The following BTD variants were observed in gnomAD, a reference collection of about 807,000 sequenced individuals.
BTD encodes biocytinase.
BTD carries 13 observed loss-of-function variants against 17.7 expected under a neutral mutation model. The ratio of observed to expected loss-of-function variants is 0.74; its 90% CI spans 0.48 to 1.17. The LOEUF (loss-of-function observed/expected upper bound fraction) is 1.17. BTD is among the 50% of genes most tolerant of loss of function. The pLI is 0.00. For missense variants in BTD, 674 were observed against 650.4 expected, an observed-to-expected ratio of 1.04 and a Z score of -0.39; for synonymous variants, 240 against 245.2, an observed-to-expected ratio of 0.98 and a Z score of 0.20.
chr3:15,660,213 G>C (rs1392037893), intron 3 of BTD, among the ~76,000 whole-genome samples: 1 of 152,220 alleles, frequency 6.6e-6, no homozygotes, highest in African/African-American at 2.4e-5. Context: ...GGCAGAGCCA[G>C]AATTCCTGCT....
At chr3:15,608,174 T>C (rs1397682022) in intron 1 of BTD, among the ~76,000 whole-genome samples, 1 of 152,254 alleles carries the variant, frequency 6.6e-6, no homozygotes, top group Non-Finnish European at 1.5e-5. Context: ...TGGCTTGGGC[T>C]GGCAAGCCCT....
upstream of BTD, chr3:15,601,663 C>T: frequency 6.4e-7 from 1 of 1,553,548 alleles, no homozygotes. Context: ...AATGTAAACA[C>T]GCGCGTTCTC....
downstream of BTD, among the ~76,000 whole-genome samples, chr3:15,717,728 G>C (rs182327493): frequency 3.9e-5 from 6 of 152,074 alleles, no homozygotes; most frequent in African/African-American, 1.4e-4. Flanking sequence ...GTGGGAAAAC[G>C]TGTGCATATA....
intron 3 of BTD, among the ~76,000 whole-genome samples, chr3:15,675,464 G>C (rs2066839231): frequency 6.6e-6 from 1 of 152,130 alleles, no homozygotes. Context: ...AATACAGGAA[G>C]AGAGCGAAAA....
chr3:15,602,397 G>A (rs1559571969), intron 1 of BTD: 2 of 873,482 alleles, frequency 2.3e-6, no homozygotes, highest in Non-Finnish European at 2.8e-6. Flanking sequence ...GAACTATGGC[G>A]TTTCATAATT....
rs1405012928 is a variant in BTD at position 15,680,909 on chromosome 3, T to G, written c.400-29151T>G. Among the ~76,000 whole-genome samples, 3 of 152,238 alleles carry G rather than the reference T, an allele frequency of 2.0e-5. No homozygotes were observed. The East Asian group carries it at 5.8e-4, about 29-fold the overall frequency. ...CTTGAATCCCAGAGCTCAAGTGATC[T>G]GCCTGCCTCAGCCTCCTAAAATGCT... is the stretch of plus-strand genomic sequence containing the variant. On this transcript the variant is annotated intron_variant, in intron 3 of 3. Coordinates refer to the BTD transcript ENST00000672141.
At chr3:15,678,109 G>T in intron 3 of BTD, 1 of 1,183,276 alleles carries the variant, frequency 8.5e-7, no homozygotes, top group Non-Finnish European at 1.2e-6. Context: ...AGTCTTAGGA[G>T]TGGTAAGATA....
At chr3:15,631,186 G>A (rs893908337) in intron 1 of BTD, among the ~76,000 whole-genome samples, 3 of 152,122 alleles carry the variant, frequency 2.0e-5, no homozygotes, top group African/African-American at 7.2e-5. Flanking sequence ...ATACTATGCC[G>A]GTTCCTAATG....
chr3:15,613,039 C>T (rs776138128), intron 1 of BTD, among the ~76,000 whole-genome samples: 49 of 152,230 alleles, frequency 3.2e-4, no homozygotes, highest in South Asian at 2.3e-3. Context: ...TTTTTAAAGA[C>T]CTGATTAATT....
downstream of BTD, chr3:15,713,631 G>A (rs756297192): frequency 1.5e-4 from 248 of 1,603,126 alleles, no homozygotes; most frequent in Non-Finnish European, 4.9e-5. Flanking sequence ...CCTCACAGTC[G>A]ATTACAGCTC....
intron 3 of BTD, among the ~76,000 whole-genome samples, chr3:15,675,033 GC>G (rs2066789829): frequency 6.6e-6 from 1 of 152,278 alleles, no homozygotes; most frequent in East Asian, 1.9e-4. Flanking sequence ...AATTTGGGAG[GC>G]CAAGGCAGGC....
chr3:15,660,408 C>T (rs1030353360), intron 3 of BTD, among the ~76,000 whole-genome samples: 6 of 152,240 alleles, frequency 3.9e-5, no homozygotes, highest in African/African-American at 7.2e-5. Flanking sequence ...ACTTCTGATT[C>T]GACTCCAGAC....
chr3:15,684,785 C>T (rs1246104198), intron 3 of BTD: 1 of 165,980 alleles, frequency 6.0e-6, no homozygotes, highest in Non-Finnish European at 1.3e-5. Context: ...TGGAAACATT[C>T]TAAAAACCTC....
At chr3:15,721,863 G>A (rs2073769284) in exon 5 of BTD, among the ~76,000 whole-genome samples, 2 of 152,034 alleles carry the variant, frequency 1.3e-5, no homozygotes, top group Non-Finnish European at 2.9e-5. Flanking sequence ...TCCTGCCTCA[G>A]CCTCCTGAGT....
intron 3 of BTD, among the ~76,000 whole-genome samples, chr3:15,671,592 T>G (rs1354068067): frequency 3.3e-5 from 5 of 150,840 alleles, no homozygotes; most frequent in African/African-American, 7.4e-5. Context: ...TTTTTTTGTT[T>G]TTTTTTTTTT....
intron 1 of BTD, among the ~76,000 whole-genome samples, chr3:15,605,673 T>C (rs1301171731): frequency 1.3e-5 from 2 of 152,204 alleles, no homozygotes; most frequent in African/African-American, 4.8e-5. Context: ...TATATATATA[T>C]ATCTATGAAA....
intron 1 of BTD, among the ~76,000 whole-genome samples, chr3:15,617,580 A>G (rs193115845): frequency 1.3e-4 from 20 of 152,332 alleles, no homozygotes; most frequent in Admixed American, 6.5e-4. Flanking sequence ...TGAGTTAACT[A>G]TAGCCTGGTG....
chr3:15,701,273 C>G (rs2070560820), intron 3 of BTD, among the ~76,000 whole-genome samples: 1 of 152,108 alleles, frequency 6.6e-6, no homozygotes, highest in Admixed American at 6.6e-5. Context: ...TCTTCAATGG[C>G]AGCAAATATT....
downstream of BTD, chr3:15,714,476 A>C (rs543270650): frequency 1.2e-6 from 1 of 829,152 alleles, no homozygotes; most frequent in Non-Finnish European, 1.8e-6. Flanking sequence ...AATACACAAA[A>C]TGCGATGACA....
Sources: gnomAD v4.1 joint callset for allele counts (sites outside exome capture counted in the v4.1 genomes callset) on GRCh38, gnomAD v4.1.1 for gene constraint, MANE v1.5 for transcripts, NCBI Gene and HGNC (gene_info 2026-07-23, HGNC 2026-07-21) for gene names.